The following EFHD1 variants were observed in gnomAD, a reference collection of about 807,000 sequenced individuals.
EFHD1 encodes EF-hand domain-containing protein D1.
In EFHD1, 10 loss-of-function variants were observed where a neutral mutation model predicts 17.2. The observed-to-expected ratio is 0.58, with a 90% confidence interval of 0.36 to 0.99. The LOEUF (loss-of-function observed/expected upper bound fraction) is 0.99, where lower values mean the gene tolerates loss of function less well. EFHD1 is among the 50% of genes least tolerant of loss of function. EFHD1 has a pLI of 0.01. For missense variants in EFHD1, 310 were observed against 327.5 expected (o/e 0.95, Z 0.41); for synonymous variants, 153 against 142.0 (o/e 1.08, Z -0.55).
intron 1 of EFHD1, among the ~76,000 whole-genome samples, chr2:232,619,196 C>T (rs966677111): frequency 6.9e-5 from 10 of 144,006 alleles, no homozygotes; most frequent in Admixed American, 2.9e-4. Flanking sequence ...AATAAACAAA[C>T]AAACAAACAA....
chr2:232,658,240 G>T (rs1694797970), intron 1 of EFHD1, among the ~76,000 whole-genome samples: 1 of 152,046 alleles, frequency 6.6e-6, no homozygotes, highest in South Asian at 2.1e-4. Flanking sequence ...TTTATCTGTG[G>T]ACATCACACC....
In EFHD1 at chr2:232,633,646, G is replaced by A. The variant is rs2106192936; in HGVS notation, c.-59G>A. 7.3e-7 allele frequency: 1 copy of A among 1,365,406 alleles called. No individual in the cohort carries two copies. Among genetic ancestry groups the A allele is most frequent in the Non-Finnish European group, 9.3e-7 (1 of 1,069,730 alleles). The allele number at this position is 1,365,406 out of a possible 1,614,324, so 84.6% of individuals were successfully genotyped here. ...CGAGCCTGCGAGGAGCGCGCCGCCC[G>A]CCAGCTCCCTGCGTCCCGTCCCGCG... On this transcript the variant is annotated 5_prime_UTR_variant, in exon 1 of 4. Transcript: ENST00000264059.
chr2:232,612,993 A>G lies in EFHD1; in HGVS notation c.14+6820A>G, dbSNP rs1257397796. ...GGTGATCCACCCGCTTTAGCCTCCCAAAGTGCTGGGATTACAGGTGTGAGC... is the reference window on the plus strand; with the variant it reads ...GGTGATCCACCCGCTTTAGCCTCCCGAAGTGCTGGGATTACAGGTGTGAGC... On this transcript the variant is annotated intron_variant, in intron 1 of 3. Transcript: ENST00000409613. Among the ~76,000 whole-genome samples the G allele has an allele frequency of 3.3e-5, 5 of 151,974 alleles. No homozygotes were observed. The South Asian group carries it at 8.3e-4, about 25-fold the overall frequency.
intron 2 of EFHD1, among the ~76,000 whole-genome samples, chr2:232,665,205 C>A (rs1694947975): frequency 6.6e-6 from 1 of 152,108 alleles, no homozygotes. Context: ...TACTGGCATC[C>A]CACCAGGAAG....
chr2:232,660,641 AT>A (rs2106210065), intron 1 of EFHD1, among the ~76,000 whole-genome samples: 1 of 152,054 alleles, frequency 6.6e-6, no homozygotes, highest in East Asian at 1.9e-4. Flanking sequence ...ACCCAGCCTT[AT>A]TTATTTAATT....
chr2:232,640,979 G>A (rs560961108), intron 1 of EFHD1, among the ~76,000 whole-genome samples: 8 of 152,306 alleles, frequency 5.3e-5, no homozygotes, highest in African/African-American at 1.9e-4. Flanking sequence ...AGGGCAGTGA[G>A]GGCTCAAGGA....
chr2:232,648,941 G>A (rs1196873490), intron 1 of EFHD1, among the ~76,000 whole-genome samples: 1 of 152,174 alleles, frequency 6.6e-6, no homozygotes, highest in Non-Finnish European at 1.5e-5. Context: ...ACTAAGGCGT[G>A]TTCTGGGGCA....
intron 1 of EFHD1, among the ~76,000 whole-genome samples, chr2:232,642,373 CAAAAAAA>C (rs764647177): frequency 8.7e-5 from 6 of 68,980 alleles, no homozygotes; most frequent in East Asian, 6.0e-4. Context: ...GACTCTGTCT[CAAAAAAA>C]AAAAAAAAAA....
chr2:232,642,039 T>C lies in EFHD1; in HGVS notation c.302+8033T>C, dbSNP rs2106198377. On this transcript the variant is annotated intron_variant, in intron 1 of 3. Transcript: ENST00000264059. ...CTAGGAAGGCTTGCCTTCCTATGGC[T>C]TCCCCTAAGAGGTGGTCCATGGTGT... Among the ~76,000 whole-genome samples, 2 of 152,280 alleles carry C rather than the reference T, an allele frequency of 1.3e-5. 1 individual carries two copies. Among genetic ancestry groups the C allele is most frequent in the South Asian group, 4.1e-4 (2 of 4,830 alleles).
At chr2:232,633,070 GT>G (rs1221636850), upstream of EFHD1, among the ~76,000 whole-genome samples, 1 of 152,192 alleles carries the variant, frequency 6.6e-6, no homozygotes, top group African/African-American at 2.4e-5. Context: ...TTTTTAGCAT[GT>G]TTTGGAAACA....
In EFHD1 at chr2:232,682,060, T is replaced by C. The variant is rs73995856; in HGVS notation, c.*341T>C. The C allele has an allele frequency of 0.036, 7,177 of 197,890 alleles. 562 individuals are homozygous for C. Among genetic ancestry groups the C allele is most frequent in the African/African-American group, 0.16 (6,755 of 43,086 alleles). 12.3% of individuals were successfully genotyped at this position (197,890 alleles called of 1,614,324 possible). ...TCTGCTATATCAATTTGTGTAGATATGTCTGTCTTTTTGGGTCCTCAGAGA... is the reference window on the plus strand; with the variant it reads ...TCTGCTATATCAATTTGTGTAGATACGTCTGTCTTTTTGGGTCCTCAGAGA... On this transcript the variant is annotated 3_prime_UTR_variant, in exon 4 of 4. Transcript: ENST00000264059.
At chr2:232,644,555 C>G (rs989371521) in intron 1 of EFHD1, among the ~76,000 whole-genome samples, 1 of 151,794 alleles carries the variant, frequency 6.6e-6, no homozygotes, top group East Asian at 1.9e-4. Flanking sequence ...CTCTGTCGCC[C>G]AGGCTGGAGT....
chr2:232,677,207 T>TATACACACAC (rs1695189203), intron 3 of EFHD1, among the ~76,000 whole-genome samples: 2 of 131,266 alleles, frequency 1.5e-5, no homozygotes, highest in African/African-American at 6.1e-5. Flanking sequence ...ACCCCATCTC[T>TATACACACAC]ACACACACAC....
At chr2:232,674,806 A>G (rs1173884219) in intron 3 of EFHD1, among the ~76,000 whole-genome samples, 3 of 152,110 alleles carry the variant, frequency 2.0e-5, no homozygotes, top group Non-Finnish European at 2.9e-5. Flanking sequence ...CTTGTAATCA[A>G]GGAAGGGAGG....
chr2:232,650,290 C>T (rs1267842930), intron 1 of EFHD1, among the ~76,000 whole-genome samples: 5 of 144,596 alleles, frequency 3.5e-5, no homozygotes, highest in African/African-American at 7.7e-5. Context: ...TTCTGGGTTG[C>T]CTTTTTTTTT....
Position 232,665,926 on chromosome 2 carries a change from A to G in EFHD1, c.450+2977A>G, listed in dbSNP as rs373443230. ...AGCCTCTCACTTCTGGGCTCAAACAATCCTCCCACATCAGCCTCCCAAAGT... is the reference window on the plus strand; with the variant it reads ...AGCCTCTCACTTCTGGGCTCAAACAGTCCTCCCACATCAGCCTCCCAAAGT... On this transcript the variant is annotated intron_variant, in intron 2 of 3. Transcript: ENST00000264059. 8.5e-5 allele frequency among the ~76,000 whole-genome samples: 13 copies of G among 152,146 alleles called. No homozygotes were observed. The East Asian group carries it at 1.9e-3, about 23-fold the overall frequency.
chr2:232,634,713 T>C (rs1353754582), intron 1 of EFHD1, among the ~76,000 whole-genome samples: 1 of 152,144 alleles, frequency 6.6e-6, no homozygotes, highest in Non-Finnish European at 1.5e-5. Context: ...AGGCAGGCGA[T>C]AGAGACCCAC....
chr2:232,670,090 AAAG>A (rs1241278392), intron 2 of EFHD1, among the ~76,000 whole-genome samples: 1 of 152,310 alleles, frequency 6.6e-6, no homozygotes, highest in East Asian at 1.9e-4. Flanking sequence ...GCAGTTGTTT[AAAG>A]AAGAGAACTA....
intron 3 of EFHD1, among the ~76,000 whole-genome samples, chr2:232,680,932 C>T (rs952844182): frequency 1.1e-4 from 17 of 152,052 alleles, no homozygotes; most frequent in Non-Finnish European, 1.9e-4. Context: ...TTTGGGAGGC[C>T]AAGACTGGTG....
Sources: gnomAD v4.1 joint callset for allele counts (sites outside exome capture counted in the v4.1 genomes callset) on GRCh38, gnomAD v4.1.1 for gene constraint, MANE v1.5 for transcripts, NCBI Gene and HGNC (gene_info 2026-07-23, HGNC 2026-07-21) for gene names.